Variants in NSMCE1 observed in about 807,000 individuals in gnomAD.
The protein encoded by NSMCE1 is non-structural maintenance of chromosomes element 1 homolog.
A neutral mutation model predicts 29.6 loss-of-function variants in NSMCE1; 18 were observed. The ratio of observed to expected loss-of-function variants is 0.61; its 90% CI spans 0.42 to 0.90. NSMCE1 has a LOEUF of 0.90. NSMCE1 is among the 40% of genes least tolerant of loss of function. NSMCE1 has a pLI of 0.00. For synonymous variants in NSMCE1, 124 were observed against 133.4 expected, an observed-to-expected ratio of 0.93 and a Z score of 0.49; for missense variants, 314 against 343.6, an observed-to-expected ratio of 0.91 and a Z score of 0.68.
At chr16:27,265,598 C>T (rs114232758) in intron 1 of NSMCE1, among the ~76,000 whole-genome samples, 274 of 152,272 alleles carry the variant, frequency 1.8e-3, no homozygotes, top group African/African-American at 6.3e-3. Context: ...TATGTTTTTA[C>T]AGAAGCACCT....
At position 27,233,009 on chromosome 16, in the gene NSMCE1, G is replaced by A. The variant is rs1223036267; in HGVS notation, c.475C>T (p.Leu159=). The A allele has an allele frequency of 4.3e-6, 7 of 1,613,748 alleles. No homozygotes were observed. Among genetic ancestry groups the A allele is most frequent in the Non-Finnish European group, 5.9e-6 (7 of 1,179,916 alleles). ...AAACCATGAGACAGTACCTCAATCA[G>A]CCACTTGTTTTGAACAAACTTCTGC... is the stretch of plus-strand genomic sequence containing the variant. ...VLQKFVQNKW[L]IEKEGEFTLH... Residue 159 remains leucine, a synonymous_variant, in exon 5 of 8, where the codon CTG becomes TTG. Transcript: ENST00000361439.
intron 2 of NSMCE1, among the ~76,000 whole-genome samples, chr16:27,244,090 C>T (rs975110121): frequency 6.6e-6 from 1 of 152,378 alleles, no homozygotes; most frequent in East Asian, 1.9e-4. Flanking sequence ...TCCACTCAGG[C>T]ACACCTGAAG....
chr16:27,225,847 C>A lies in NSMCE1; in HGVS notation c.601-1G>T. The A allele has an allele frequency of 6.2e-7, 1 of 1,614,014 alleles. No homozygotes were observed. On this transcript the variant is annotated splice_acceptor_variant, in intron 6 of 7. Coordinates refer to ENST00000361439, the MANE Select transcript of NSMCE1 (RefSeq NM_145080.4). LOFTEE classifies it high-confidence loss of function. ...TCCCACAGGTTTCGCAGCTTTGACC[C>A]TGAAACAGGAAAGGCCAATGACGGC... is the stretch of plus-strand genomic sequence containing the variant.
Position 27,232,549 on chromosome 16 carries a change from T to G in NSMCE1, c.483+452A>C, listed in dbSNP as rs1354118658. On this transcript the variant is annotated intron_variant, in intron 5 of 7. Transcript: ENST00000361439. This position sits in a 1 kb window ranked among gnomAD's most constrained non-coding sequence, Gnocchi z 4.5. ...GCCAGCCAGCCTAGCACCGAGCACATTACTGTGAGGTCCCATTCCCGCTCC... is the reference window on the plus strand; with the variant it reads ...GCCAGCCAGCCTAGCACCGAGCACAGTACTGTGAGGTCCCATTCCCGCTCC... Among the ~76,000 whole-genome samples the G allele has an allele frequency of 6.6e-6, 1 of 152,210 alleles. No individual in the cohort carries two copies. Among genetic ancestry groups the G allele is most frequent in the Non-Finnish European group, 1.5e-5 (1 of 68,032 alleles).
At chr16:27,248,800 A>G (rs577746115) in intron 2 of NSMCE1, among the ~76,000 whole-genome samples, 2 of 151,864 alleles carry the variant, frequency 1.3e-5, no homozygotes, top group South Asian at 4.2e-4. Context: ...AATATTTTGC[A>G]CACTTCTTAC....
rs1009407124 is a variant in NSMCE1 at position 27,232,818 on chromosome 16, G to A, written c.483+183C>T. Among the ~76,000 whole-genome samples, 1 of 152,256 alleles carries A rather than the reference G, an allele frequency of 6.6e-6. No individual in the cohort carries two copies. Among genetic ancestry groups the A allele is most frequent in the Non-Finnish European group, 1.5e-5 (1 of 68,044 alleles). ...CATCATCTGGGTGAACGGGGAGTGG[G>A]AGGCAGGAGGAGTGAGGCCCAAGTC... is the stretch of plus-strand genomic sequence containing the variant. On this transcript the variant is annotated intron_variant, in intron 5 of 7. Transcript: ENST00000361439. This position sits in a 1 kb window ranked among gnomAD's most constrained non-coding sequence, Gnocchi z 4.5.
intron 5 of NSMCE1, among the ~76,000 whole-genome samples, chr16:27,228,166 G>A (rs946008887): frequency 1.3e-5 from 2 of 152,150 alleles, no homozygotes; most frequent in African/African-American, 4.8e-5. Context: ...GTGTGCTTGC[G>A]TAATCTGGGC....
chr16:27,251,718 A>G (rs779999960), intron 2 of NSMCE1, among the ~76,000 whole-genome samples: 2 of 152,176 alleles, frequency 1.3e-5, no homozygotes, highest in Non-Finnish European at 2.9e-5. Context: ...TGGGCCGGGC[A>G]CTATTCCCAG....
chr16:27,226,299 C>CA (rs2083690551), intron 6 of NSMCE1: 1 of 215,750 alleles, frequency 4.6e-6, no homozygotes, highest in Admixed American at 5.2e-5. Flanking sequence ...GCTACAGCTG[C>CA]AAAACGATAG....
At chr16:27,240,782 A>T (rs907288224) in intron 2 of NSMCE1, among the ~76,000 whole-genome samples, 2 of 152,180 alleles carry the variant, frequency 1.3e-5, no homozygotes, top group African/African-American at 4.8e-5. Flanking sequence ...TTTTAAAATT[A>T]AATTTTAAGG....
rs1127228 is a variant in NSMCE1 at position 27,226,789 on chromosome 16, C to T, written c.531G>A (p.Glu177=). Reference sequence around the variant, plus strand: ...CGGGGTACGTCTCCCGGATGTATTGCTCCATCTCCAGGATGGCCCGGCCGT... The same window carrying T: ...CGGGGTACGTCTCCCGGATGTATTGTTCCATCTCCAGGATGGCCCGGCCGT... ...TLHGRAILEM[E]QYIRETYPDA... The change falls in exon 6 of 8, where the codon GAG becomes GAA. Residue 177 remains glutamate, a synonymous_variant. Transcript: ENST00000361439. The T allele has an allele frequency of 0.35, 557,099 of 1,611,852 alleles. 98,826 individuals carry two copies. Among genetic ancestry groups the T allele is most frequent in the East Asian group, 0.46 (20,762 of 44,838 alleles).
At chr16:27,234,659 G>A (rs1019939109) in intron 3 of NSMCE1, among the ~76,000 whole-genome samples, 2 of 152,092 alleles carry the variant, frequency 1.3e-5, no homozygotes, top group African/African-American at 4.8e-5. Context: ...TTTTTCCAGG[G>A]AATTGAGTTT....
At chr16:27,244,523 C>T (rs530074827) in intron 2 of NSMCE1, among the ~76,000 whole-genome samples, 1 of 152,318 alleles carries the variant, frequency 6.6e-6, no homozygotes, top group Non-Finnish European at 1.5e-5. Context: ...CTTTCTGTCC[C>T]CCACTCCCCC....
chr16:27,267,592 G>T (rs187007706), intron 1 of NSMCE1, among the ~76,000 whole-genome samples: 1 of 150,226 alleles, frequency 6.7e-6, no homozygotes, highest in African/African-American at 2.5e-5. Flanking sequence ...AATCTAAAAA[G>T]GTATGAATAC....
intron 3 of NSMCE1, 55 bp from the exon 4 acceptor site, chr16:27,234,320 G>C: frequency 8.1e-7 from 1 of 1,228,356 alleles, no homozygotes; most frequent in Non-Finnish European, 1.2e-6. Flanking sequence ...GTTGGTTAAC[G>C]TGTCGCTGGC....
At position 27,234,285 on chromosome 16, in the gene NSMCE1, G is replaced by A. The variant is rs763402364; in HGVS notation, c.259-20C>T. The A allele has an allele frequency of 1.4e-5, 21 of 1,552,398 alleles. No individual in the cohort carries two copies. In the East Asian group the frequency reaches 1.6e-4, roughly 12 times the overall value. ...ATTCACCTAAGAAATAAGTCAGCAC[G>A]ACAGTCAGGCTGTGCTCTTTGCGTG... On this transcript the variant is annotated intron_variant, in intron 3 of 7. Coordinates refer to ENST00000361439, the MANE Select transcript of NSMCE1 (RefSeq NM_145080.4).
chr16:27,257,279 T>C, intron 2 of NSMCE1, 156 bp downstream of exon 2: 1 of 547,464 alleles, frequency 1.8e-6, no homozygotes, highest in Non-Finnish European at 3.0e-6. Context: ...AAGTGGAAGA[T>C]GAAATTAGAA....
At chr16:27,225,404 G>T (rs1418735034) in intron 7 of NSMCE1, among the ~76,000 whole-genome samples, 168 bp from the exon 8 acceptor site, 1 of 152,214 alleles carries the variant, frequency 6.6e-6, no homozygotes, top group East Asian at 1.9e-4. Context: ...GTTAGCCCCA[G>T]TTCAGAGAGG....
chr16:27,231,296 T>C (rs1261646258), intron 5 of NSMCE1, among the ~76,000 whole-genome samples: 1 of 152,234 alleles, frequency 6.6e-6, no homozygotes, highest in African/African-American at 2.4e-5. Flanking sequence ...CACTACATTC[T>C]GCAATGGGGA....
Sources: gnomAD v4.1 joint callset for allele counts (sites outside exome capture counted in the v4.1 genomes callset) on GRCh38, gnomAD v4.1.1 for gene constraint, Gnocchi (gnomAD v3.1) non-coding constraint, MANE v1.5 for transcripts, NCBI Gene and HGNC (gene_info 2026-07-23, HGNC 2026-07-21) for gene names.